MAP3K20: variants seen among roughly 807,000 people sequenced by gnomAD.
The protein encoded by MAP3K20 is HCCS-4.
MAP3K20 carries 40 observed loss-of-function variants against 85.7 expected under a neutral mutation model. The ratio of observed to expected loss-of-function variants is 0.47; its 90% CI spans 0.36 to 0.61. The LOEUF (loss-of-function observed/expected upper bound fraction) is 0.61. Ranked by LOEUF, MAP3K20 falls within the 20% of genes least tolerant of loss-of-function variation. The pLI, the probability that MAP3K20 is intolerant of heterozygous loss-of-function variation, is 0.00. For synonymous variants in MAP3K20, 325 were observed against 327.7 expected (o/e 0.99, Z 0.09); for missense variants, 817 against 961.7 (o/e 0.85, Z 1.99).
intron 2 of MAP3K20, among the ~76,000 whole-genome samples, chr2:173,128,491 C>T (rs1198442708): frequency 6.6e-6 from 1 of 151,942 alleles, no homozygotes; most frequent in African/African-American, 2.4e-5. Context: ...CACCACCAGC[C>T]CAGCTAATTT....
chr2:173,153,392 A>C (rs1689364115), intron 2 of MAP3K20, among the ~76,000 whole-genome samples: 1 of 152,188 alleles, frequency 6.6e-6, no homozygotes, highest in Admixed American at 6.5e-5. Context: ...AGGGTCTTTC[A>C]CTTTAGGATG....
At chr2:173,218,441 G>A (rs1442411905) in intron 11 of MAP3K20, among the ~76,000 whole-genome samples, 1 of 152,208 alleles carries the variant, frequency 6.6e-6, no homozygotes, top group Admixed American at 6.5e-5. Context: ...TTTTAAAAGT[G>A]CCACATTTTA....
intron 8 of MAP3K20, among the ~76,000 whole-genome samples, chr2:173,199,925 A>G (rs925010313): frequency 5.9e-5 from 9 of 152,214 alleles, no homozygotes; most frequent in Non-Finnish European, 8.8e-5. Flanking sequence ...CCTCTTCAAC[A>G]TTATACATGC....
At chr2:173,149,617 G>A (rs1184547986) in intron 2 of MAP3K20, among the ~76,000 whole-genome samples, 1 of 152,060 alleles carries the variant, frequency 6.6e-6, no homozygotes, top group African/African-American at 2.4e-5. Context: ...TAGCACAGGG[G>A]GGAGGTGGTA....
chr2:173,200,218 T>TGTAA (rs1457629544), intron 8 of MAP3K20, among the ~76,000 whole-genome samples: 1 of 152,220 alleles, frequency 6.6e-6, no homozygotes, highest in East Asian at 1.9e-4. Context: ...TAAGTTTCAA[T>TGTAA]GTAAGTTTCA....
chr2:173,087,038 A>G (rs1370031649), intron 1 of MAP3K20, among the ~76,000 whole-genome samples: 2 of 152,260 alleles, frequency 1.3e-5, no homozygotes, highest in African/African-American at 4.8e-5. Flanking sequence ...TTCCAGCTAC[A>G]AAAGGTATAA....
intron 2 of MAP3K20, among the ~76,000 whole-genome samples, chr2:173,168,301 T>C (rs1407686678): frequency 6.6e-6 from 1 of 152,098 alleles, no homozygotes; most frequent in Non-Finnish European, 1.5e-5. Flanking sequence ...AGGAATTGTT[T>C]GATTAAGCAG....
chr2:173,134,428 A>ATATATATATATATATATATGTAT (rs56330241), intron 2 of MAP3K20, among the ~76,000 whole-genome samples: 1 of 3,158 alleles, frequency 3.2e-4, no homozygotes, highest in Non-Finnish European at 6.4e-4. Flanking sequence ...ATATATATAT[A>ATATATATATATATATATATGTAT]TTTTTTTTTT....
intron 10 of MAP3K20, among the ~76,000 whole-genome samples, chr2:173,213,741 G>A (rs1683984299): frequency 6.6e-6 from 1 of 152,196 alleles, no homozygotes; most frequent in South Asian, 2.1e-4. Context: ...GGCCGTTGTT[G>A]TGCTGTCTTC....
At chr2:173,252,198 C>A (rs1486953991) in intron 16 of MAP3K20, among the ~76,000 whole-genome samples, 8 of 152,158 alleles carry the variant, frequency 5.3e-5, no homozygotes, top group Non-Finnish European at 1.0e-4. Context: ...ATCACTTGTA[C>A]TAGCTTGGAA....
chr2:173,212,814 AAAG>A (rs1683950901), intron 10 of MAP3K20: 1 of 151,610 alleles, frequency 6.6e-6, no homozygotes, highest in Admixed American at 6.6e-5. Context: ...AAAAAAAAAA[AAAG>A]AAAAGAAATG....
At chr2:173,263,709 CTTTT>C (rs761325269) in intron 18 of MAP3K20, 32 bp from the exon 19 acceptor site, 9 of 1,583,934 alleles carry the variant, frequency 5.7e-6, no homozygotes, top group East Asian at 2.3e-5. Context: ...TTCTATTTGT[CTTTT>C]TTTTGTCTTT....
At chr2:173,202,263 C>T (rs1166038460) in intron 8 of MAP3K20, among the ~76,000 whole-genome samples, 1 of 152,136 alleles carries the variant, frequency 6.6e-6, no homozygotes, top group African/African-American at 2.4e-5. Flanking sequence ...GTGCTTAGCA[C>T]GGCCTTTAGT....
At chr2:173,252,573 T>C (rs1685063365) in intron 16 of MAP3K20, among the ~76,000 whole-genome samples, 1 of 152,234 alleles carries the variant, frequency 6.6e-6, no homozygotes, top group Non-Finnish European at 1.5e-5. Flanking sequence ...AGATTTGCAT[T>C]GAGAGGCAGA....
At chr2:173,101,410 C>G (rs1687635316) in intron 2 of MAP3K20, among the ~76,000 whole-genome samples, 1 of 152,124 alleles carries the variant, frequency 6.6e-6, no homozygotes, top group South Asian at 2.1e-4. Context: ...TGTTATTTCA[C>G]CTTTTCATTA....
chr2:173,159,168 G>A (rs769855731), intron 2 of MAP3K20, among the ~76,000 whole-genome samples: 5 of 152,250 alleles, frequency 3.3e-5, no homozygotes, highest in Middle Eastern at 3.4e-3. Flanking sequence ...ATTCAATTTC[G>A]TAGATGCCTA....
At chr2:173,188,290 T>G (rs765093573) in intron 5 of MAP3K20, among the ~76,000 whole-genome samples, 5 of 152,182 alleles carry the variant, frequency 3.3e-5, no homozygotes, top group East Asian at 1.9e-4. Flanking sequence ...ACAGAATGCT[T>G]CTTCTGTTAC....
chr2:173,194,058 C>CT (rs2106278872), intron 7 of MAP3K20, among the ~76,000 whole-genome samples: 1 of 152,306 alleles, frequency 6.6e-6, no homozygotes, highest in African/African-American at 2.4e-5. Context: ...AGAGCCTTCC[C>CT]TTACCTGGTG....
chr2:173,218,457 G>A (rs1684140947), intron 11 of MAP3K20, among the ~76,000 whole-genome samples: 1 of 152,190 alleles, frequency 6.6e-6, no homozygotes, highest in South Asian at 2.1e-4. Context: ...TTTTATCTGT[G>A]AATTTAACTT....
Sources: allele counts gnomAD v4.1 joint callset (sites outside exome capture counted in the v4.1 genomes callset), GRCh38; gene constraint gnomAD v4.1.1; transcripts MANE v1.5; gene names NCBI Gene and HGNC (gene_info 2026-07-23, HGNC 2026-07-21).